PAK3: variants seen among roughly 807,000 people sequenced by gnomAD.
PAK3 encodes serine/threonine-protein kinase PAK 3.
PAK3 carries 4 observed loss-of-function variants against 41.0 expected under a neutral mutation model. The ratio of observed to expected loss-of-function variants is 0.10; its 90% CI spans 0.05 to 0.22. The LOEUF is 0.22. PAK3 is among the 10% of genes least tolerant of loss of function. The pLI, the probability that PAK3 is intolerant of heterozygous loss-of-function variation, is 1.00. For synonymous variants in PAK3, 146 were observed against 139.6 expected (o/e 1.05, Z -0.32); for missense variants, 205 against 409.9 (o/e 0.50, Z 4.32).
chrX:111,126,061 A>G (rs1046060315), intron 5 of PAK3, among the ~76,000 whole-genome samples: 5 of 111,516 alleles, frequency 4.5e-5, no homozygotes, highest in Admixed American at 3.8e-4. Context: ...ACTGACTCTA[A>G]GAGTATAGAC....
chrX:111,086,616 C>G (rs2092886222), intron 1 of PAK3, among the ~76,000 whole-genome samples: 1 of 111,279 alleles, frequency 9.0e-6, no homozygotes, highest in African/African-American at 3.3e-5. Flanking sequence ...CGCCCCATGT[C>G]TTTCAAAACA....
At chrX:111,040,558 C>T (rs771904894) in intron 1 of PAK3, among the ~76,000 whole-genome samples, 1 of 111,623 alleles carries the variant, frequency 9.0e-6, no homozygotes, top group African/African-American at 3.3e-5. Flanking sequence ...GTTCACACTC[C>T]CAGCTTGACC....
At chrX:111,142,588 C>T (rs2093886841) in intron 6 of PAK3, among the ~76,000 whole-genome samples, 1 of 111,869 alleles carries the variant, frequency 8.9e-6, no homozygotes, top group Non-Finnish European at 1.9e-5. Flanking sequence ...TACATTAAAA[C>T]CTAGAATACC....
At chrX:111,042,473 AG>A (rs1188157651) in intron 1 of PAK3, among the ~76,000 whole-genome samples, 3 of 111,756 alleles carry the variant, frequency 2.7e-5, no homozygotes, top group Non-Finnish European at 5.6e-5. Context: ...CATTAAACCA[AG>A]GATAGGGCTC....
At chrX:110,995,849 A>G (rs1419449605) in intron 1 of PAK3, among the ~76,000 whole-genome samples, 2 of 111,175 alleles carry the variant, frequency 1.8e-5, no homozygotes, top group Non-Finnish European at 3.8e-5. Context: ...CAGTGCTTTT[A>G]ATCTTGTTTT....
intron 16 of PAK3, among the ~76,000 whole-genome samples, chrX:111,199,568 C>G (rs773805695): frequency 9.0e-6 from 1 of 111,404 alleles, no homozygotes; most frequent in Non-Finnish European, 1.9e-5. Context: ...TCCAGAACAG[C>G]TGTAATTTTT....
intron 1 of PAK3, among the ~76,000 whole-genome samples, chrX:110,950,314 A>G (rs936100133): frequency 8.9e-6 from 1 of 112,315 alleles, no homozygotes; most frequent in African/African-American, 3.2e-5. Context: ...ACATAAAATA[A>G]TCAAAGATGT....
At chrX:111,133,783 C>T (rs1415198209) in intron 5 of PAK3, among the ~76,000 whole-genome samples, 1 of 112,062 alleles carries the variant, frequency 8.9e-6, no homozygotes, top group Non-Finnish European at 1.9e-5. Flanking sequence ...TCTGTATTAA[C>T]AAGGCTTCAA....
chrX:111,178,676 T>G (rs73541146), intron 11 of PAK3, among the ~76,000 whole-genome samples: 16,443 of 109,747 alleles, frequency 0.15, 2,563 homozygotes, highest in African/African-American at 0.47. Flanking sequence ...ATTACAAAGA[T>G]CTCTGTGGAC....
At chrX:111,175,706 C>A (rs1235334882) in intron 11 of PAK3, among the ~76,000 whole-genome samples, 1 of 111,480 alleles carries the variant, frequency 9.0e-6, no homozygotes, top group Non-Finnish European at 1.9e-5. Context: ...AGATACCTCC[C>A]AGATACTAGG....
chrX:111,104,160 G>A (rs888261117), intron 4 of PAK3, among the ~76,000 whole-genome samples: 1 of 111,117 alleles, frequency 9.0e-6, no homozygotes, highest in African/African-American at 3.3e-5. Flanking sequence ...TTTCAGGCAG[G>A]CATTATAACT....
chrX:111,197,026 A>G (rs1265291287), intron 16 of PAK3, among the ~76,000 whole-genome samples: 3 of 109,381 alleles, frequency 2.7e-5, no homozygotes, highest in African/African-American at 1.0e-4. Context: ...TTCATCTCCC[A>G]GGTAATGAAT....
At chrX:111,072,051 T>C (rs1005643469) in intron 1 of PAK3, among the ~76,000 whole-genome samples, 1 of 112,050 alleles carries the variant, frequency 8.9e-6, no homozygotes, top group Non-Finnish European at 1.9e-5. Flanking sequence ...CCCTTTCACA[T>C]ACATAATTAC....
At chrX:111,066,734 A>G (rs1426015029) in intron 1 of PAK3, among the ~76,000 whole-genome samples, 1 of 112,114 alleles carries the variant, frequency 8.9e-6, no homozygotes. Context: ...CAAAACAATA[A>G]CAATAGTTGT....
At chrX:111,213,190 C>G (rs764251306) in intron 16 of PAK3, among the ~76,000 whole-genome samples, 2 of 111,842 alleles carry the variant, frequency 1.8e-5, no homozygotes, top group South Asian at 7.7e-4. Flanking sequence ...TACTATCAGA[C>G]CCACCCCCTA....
At chrX:111,005,606 C>T (rs1352611277) in intron 1 of PAK3, among the ~76,000 whole-genome samples, 2 of 111,483 alleles carry the variant, frequency 1.8e-5, no homozygotes, top group African/African-American at 6.5e-5. Flanking sequence ...TGTGAGAAAG[C>T]AATGTCCAAT....
intron 4 of PAK3, among the ~76,000 whole-genome samples, chrX:111,121,036 GC>G (rs1420299932): frequency 8.9e-6 from 1 of 111,826 alleles, no homozygotes; most frequent in Non-Finnish European, 1.9e-5. Context: ...AAAAGATAAT[GC>G]AGACACATTA....
intron 1 of PAK3, among the ~76,000 whole-genome samples, chrX:110,975,478 G>T (rs988463250): frequency 1.8e-5 from 2 of 111,860 alleles, no homozygotes; most frequent in South Asian, 7.6e-4. Context: ...ACAAATGGAA[G>T]AACATTCCAC....
At position 111,110,298 on chromosome X, in the gene PAK3, G is replaced by GT. The variant is rs756211931; in HGVS notation, c.-28+6993dup. 3.5e-3 allele frequency among the ~76,000 whole-genome samples: 392 copies of GT among 112,040 alleles called. 2 individuals are homozygous for GT. The highest frequency in any genetic ancestry group is 0.012 in the African/African-American group (370 of 30,869). On this transcript the variant is annotated intron_variant, in intron 4 of 17. Transcript: ENST00000372007. The stretch of plus-strand genomic sequence containing the variant: ...TAGATGAAGAAATAGCTTCAGAGGG[G>GT]TGAAGAGATGTACCTAATGTCACGC...
Sources: gnomAD v4.1 joint callset for allele counts (sites outside exome capture counted in the v4.1 genomes callset) on GRCh38, gnomAD v4.1.1 for gene constraint, MANE v1.5 for transcripts, NCBI Gene and HGNC (gene_info 2026-07-23, HGNC 2026-07-21) for gene names.